The following MSRA variants were observed in gnomAD, a reference collection of about 807,000 sequenced individuals.
The protein encoded by MSRA is methionine sulfoxide reductase A, also known as mitochondrial peptide methionine sulfoxide reductase.
MSRA carries 54 observed loss-of-function variants against 31.3 expected under a neutral mutation model. That is an observed-to-expected ratio of 1.73 (90% confidence interval 1.39 to 2.17). MSRA has a LOEUF of 2.17. Among genes scored for constraint, MSRA ranks in the 30% most tolerant of loss-of-function variants. MSRA has a pLI of 0.00. For synonymous variants in MSRA, 169 were observed against 116.5 expected (o/e 1.45, Z -2.90); for missense variants, 507 against 300.9 (o/e 1.69, Z -5.07).
intron 5 of MSRA, among the ~76,000 whole-genome samples, chr8:10,423,740 CTG>C (rs1808955326): frequency 6.6e-6 from 1 of 152,218 alleles, no homozygotes; most frequent in East Asian, 1.9e-4. Flanking sequence ...GGCCAGGACT[CTG>C]TGACACGGAA....
intron 2 of MSRA, among the ~76,000 whole-genome samples, chr8:10,224,581 G>A (rs1398444024): frequency 6.6e-6 from 1 of 152,180 alleles, no homozygotes; most frequent in African/African-American, 2.4e-5. Flanking sequence ...AGAGATGGGG[G>A]CTGGACCAGG....
chr8:10,178,600 A>G (rs916796626), intron 1 of MSRA, among the ~76,000 whole-genome samples: 16 of 152,336 alleles, frequency 1.1e-4, no homozygotes, highest in Non-Finnish European at 1.8e-4. Context: ...AAAAATGAAA[A>G]TTCACCTTAG....
At chr8:10,384,454 A>T (rs1482616378) in intron 5 of MSRA, among the ~76,000 whole-genome samples, 1 of 152,202 alleles carries the variant, frequency 6.6e-6, no homozygotes, top group Admixed American at 6.5e-5. Context: ...GGATGGCAGG[A>T]TGTCTTTCTC....
At position 10,129,079 on chromosome 8, in the gene MSRA, A is replaced by G. The variant is rs537585412; in HGVS notation, c.142+74421A>G. Among the ~76,000 whole-genome samples the G allele has an allele frequency of 2.0e-4, 31 of 152,296 alleles. 1 individual carries two copies. In the South Asian group the frequency reaches 6.2e-3, roughly 31 times the overall value. On this transcript the variant is annotated intron_variant, in intron 1 of 5. Coordinates refer to ENST00000317173, the MANE Select transcript of MSRA (RefSeq NM_012331.5). ...ACTCTTCGCAGTTCTATTTTATGCAAATAGAGGCAGTGGTGGCTAATTGAT... is the reference window on the plus strand; with the variant it reads ...ACTCTTCGCAGTTCTATTTTATGCAGATAGAGGCAGTGGTGGCTAATTGAT...
At chr8:10,104,863 A>T (rs2128935744) in intron 1 of MSRA, among the ~76,000 whole-genome samples, 1 of 152,226 alleles carries the variant, frequency 6.6e-6, no homozygotes, top group East Asian at 1.9e-4. Context: ...GGGGCTTAGA[A>T]TTTTATTTTT....
At chr8:10,277,663 A>G (rs544518904) in intron 3 of MSRA, among the ~76,000 whole-genome samples, 4 of 152,174 alleles carry the variant, frequency 2.6e-5, no homozygotes, top group African/African-American at 7.2e-5. Flanking sequence ...AAATAACCCA[A>G]TGTCATTGTA....
chr8:10,237,275 A>G (rs1812025811), intron 2 of MSRA, among the ~76,000 whole-genome samples: 1 of 152,230 alleles, frequency 6.6e-6, no homozygotes, highest in South Asian at 2.1e-4. Context: ...AATGTCTGCC[A>G]GTTAAGATGA....
chr8:10,134,416 C>T (rs1802115813), intron 1 of MSRA, among the ~76,000 whole-genome samples: 1 of 152,208 alleles, frequency 6.6e-6, no homozygotes, highest in African/African-American at 2.4e-5. Flanking sequence ...CCTGTCCTGC[C>T]CCATTAGCTG....
intron 1 of MSRA, among the ~76,000 whole-genome samples, 162 bp from the exon 2 acceptor site, chr8:10,207,671 A>G (rs748102646): frequency 3.3e-5 from 5 of 152,216 alleles, no homozygotes; most frequent in Non-Finnish European, 7.3e-5. Flanking sequence ...CCCTTCTGCA[A>G]TGGAGATGAA....
chr8:10,237,654 G>A (rs1441166131), intron 2 of MSRA, among the ~76,000 whole-genome samples: 6 of 152,076 alleles, frequency 3.9e-5, no homozygotes, highest in Non-Finnish European at 5.9e-5. Context: ...GATTACAACC[G>A]CCTGATCTTT....
intron 3 of MSRA, among the ~76,000 whole-genome samples, chr8:10,253,086 G>C (rs2975700): frequency 6.6e-6 from 1 of 152,154 alleles, no homozygotes; most frequent in Admixed American, 6.5e-5. Flanking sequence ...ATTTTCTATA[G>C]CTTCAAATAA....
intron 4 of MSRA, among the ~76,000 whole-genome samples, chr8:10,310,080 C>G (rs1487055067): frequency 6.6e-6 from 1 of 152,194 alleles, no homozygotes; most frequent in African/African-American, 2.4e-5. Context: ...TGTGCTGACC[C>G]CTTGAAGTTA....
In MSRA at chr8:10,392,240, C is replaced by G. The variant is rs149114935; in HGVS notation, c.544-35908C>G. Among the ~76,000 whole-genome samples the G allele has an allele frequency of 2.0e-3, 298 of 152,314 alleles. 3 individuals are homozygous for G. Among genetic ancestry groups the G allele is most frequent in the Admixed American group, 3.5e-3 (53 of 15,300 alleles). On this transcript the variant is annotated intron_variant, in intron 5 of 5. Coordinates refer to ENST00000317173, the MANE Select transcript of MSRA (RefSeq NM_012331.5). Reference sequence around the variant, plus strand: ...GACTCCAGTGGATGGACAGCTGTCTCCTCTCTTAAATTTTAAGAACTTAAA... The same window carrying G: ...GACTCCAGTGGATGGACAGCTGTCTGCTCTCTTAAATTTTAAGAACTTAAA...
At chr8:10,391,392 C>T (rs1806737125) in intron 5 of MSRA, among the ~76,000 whole-genome samples, 1 of 152,174 alleles carries the variant, frequency 6.6e-6, no homozygotes, top group Non-Finnish European at 1.5e-5. Context: ...ATAGGGGAGG[C>T]ACTGTGATGT....
intron 1 of MSRA, among the ~76,000 whole-genome samples, chr8:10,058,269 A>T (rs1285236524): frequency 2.0e-5 from 3 of 152,210 alleles, no homozygotes; most frequent in Non-Finnish European, 4.4e-5. Context: ...ATTGAACTAC[A>T]CTAATGACAT....
At chr8:10,104,622 A>C (rs1362285770) in intron 1 of MSRA, among the ~76,000 whole-genome samples, 1 of 152,224 alleles carries the variant, frequency 6.6e-6, no homozygotes, top group Non-Finnish European at 1.5e-5. Flanking sequence ...TTTATCATGC[A>C]GTTGAAGCCT....
intron 1 of MSRA, among the ~76,000 whole-genome samples, chr8:10,069,500 G>T (rs1797627518): frequency 6.6e-6 from 1 of 152,344 alleles, no homozygotes; most frequent in Admixed American, 6.5e-5. Context: ...CCGGAGGCTG[G>T]CAAGTCCATG....
intron 1 of MSRA, among the ~76,000 whole-genome samples, chr8:10,203,756 C>G (rs1275230880): frequency 6.6e-6 from 1 of 152,148 alleles, no homozygotes; most frequent in Non-Finnish European, 1.5e-5. Flanking sequence ...GTAAAATAGC[C>G]TGAGGCAGGT....
intron 4 of MSRA, among the ~76,000 whole-genome samples, chr8:10,314,661 A>C (rs1377012566): frequency 6.6e-6 from 1 of 152,240 alleles, no homozygotes; most frequent in Non-Finnish European, 1.5e-5. Flanking sequence ...GTATGTACTC[A>C]AGAGAAACTC....
Sources: allele counts gnomAD v4.1 joint callset (sites outside exome capture counted in the v4.1 genomes callset), GRCh38; gene constraint gnomAD v4.1.1; transcripts MANE v1.5; gene names NCBI Gene and HGNC (gene_info 2026-07-23, HGNC 2026-07-21).